Variants in DLG2 observed in about 807,000 individuals in gnomAD.
DLG2 encodes disks large homolog 2.
Under a neutral mutation model 132.5 loss-of-function variants are expected in DLG2, and 45 were observed. The observed-to-expected ratio is 0.34, with a 90% CI of 0.27 to 0.44. The LOEUF (loss-of-function observed/expected upper bound fraction) is 0.44, where lower values mean the gene tolerates loss of function less well. Ranked by LOEUF, DLG2 falls within the 20% of genes least tolerant of loss-of-function variation. DLG2 has a pLI of 1.00. For missense variants in DLG2, 1,045 were observed against 1,196.9 expected, an observed-to-expected ratio of 0.87 and a Z score of 1.87; for synonymous variants, 424 against 419.6, an observed-to-expected ratio of 1.01 and a Z score of -0.13.
chr11:83,935,679 C>T (rs2081286161), intron 14 of DLG2, among the ~76,000 whole-genome samples: 1 of 152,128 alleles, frequency 6.6e-6, no homozygotes, highest in South Asian at 2.1e-4. Context: ...TTGCGCCACG[C>T]TTACTTAACT....
chr11:84,723,507 C>G (rs2062065638), intron 6 of DLG2, among the ~76,000 whole-genome samples: 1 of 152,088 alleles, frequency 6.6e-6, no homozygotes, highest in South Asian at 2.1e-4. Context: ...ATTCTCCTCT[C>G]CAAATAATAA....
intron 6 of DLG2, among the ~76,000 whole-genome samples, chr11:84,756,148 T>C (rs967540504): frequency 2.6e-5 from 4 of 152,248 alleles, no homozygotes; most frequent in Non-Finnish European, 4.4e-5. Context: ...CAATGGAATA[T>C]GTATTTGTAA....
intron 7 of DLG2, 82 bp from the exon 8 acceptor site, chr11:84,251,373 G>C (rs1348264459): frequency 1.3e-5 from 14 of 1,071,378 alleles, no homozygotes; most frequent in Admixed American, 3.1e-5. Context: ...ATTTAACAAA[G>C]AGCTCAACAG....
chr11:85,400,003 A>C (rs954967950), intron 3 of DLG2, among the ~76,000 whole-genome samples: 10 of 152,216 alleles, frequency 6.6e-5, no homozygotes, highest in East Asian at 3.9e-4. Context: ...CAACCTACAA[A>C]ATGGGAGAAA....
chr11:84,786,401 C>T lies in DLG2; in HGVS notation c.358-251670G>A, dbSNP rs116107637. ...ACCATTTGGTTTTATTATAAGAAAA[C>T]GTAGAAATTCTGAAAGCCACAAAAT... On this transcript the variant is annotated intron_variant, in intron 6 of 27. Transcript: ENST00000376104. Among the ~76,000 whole-genome samples, 636 of 152,202 alleles carry T rather than the reference C, an allele frequency of 4.2e-3. 3 individuals are homozygous for T. Among genetic ancestry groups the T allele is most frequent in the African/African-American group, 0.015 (613 of 41,546 alleles).
At chr11:84,799,593 T>C (rs947952265) in intron 6 of DLG2, among the ~76,000 whole-genome samples, 10 of 152,264 alleles carry the variant, frequency 6.6e-5, no homozygotes, top group African/African-American at 1.9e-4. Flanking sequence ...TCTTTTCTGC[T>C]GTCTTTCTCC....
chr11:85,485,333 C>A (rs1160360437), intron 3 of DLG2, among the ~76,000 whole-genome samples: 2 of 151,732 alleles, frequency 1.3e-5, no homozygotes, highest in Non-Finnish European at 1.5e-5. Flanking sequence ...GCACATGTAC[C>A]CTAAAACTTA....
chr11:83,884,265 T>TA (rs1244555878), intron 15 of DLG2, among the ~76,000 whole-genome samples: 5 of 152,168 alleles, frequency 3.3e-5, no homozygotes, highest in Admixed American at 6.5e-5. Flanking sequence ...CCGACGGGCT[T>TA]AAAAAACGGC....
intron 19 of DLG2, among the ~76,000 whole-genome samples, chr11:83,616,453 T>C (rs1017315831): frequency 3.3e-5 from 5 of 152,144 alleles, no homozygotes; most frequent in African/African-American, 1.2e-4. Context: ...TTACATATCC[T>C]CTTTTAAGAA....
chr11:84,754,882 TG>T (rs1217118496), intron 6 of DLG2, among the ~76,000 whole-genome samples: 5 of 152,168 alleles, frequency 3.3e-5, no homozygotes, highest in African/African-American at 1.2e-4. Flanking sequence ...TATGCATGTG[TG>T]GGGGCTGGAG....
intron 3 of DLG2, among the ~76,000 whole-genome samples, chr11:85,332,947 T>C (rs1019017242): frequency 6.6e-6 from 1 of 152,274 alleles, no homozygotes; most frequent in South Asian, 2.1e-4. Flanking sequence ...CTTTTATATT[T>C]AATATGAATT....
chr11:83,649,139 A>G (rs1273620737), intron 18 of DLG2, among the ~76,000 whole-genome samples: 1 of 152,124 alleles, frequency 6.6e-6, no homozygotes, highest in Non-Finnish European at 1.5e-5. Context: ...GGGGAGTTTA[A>G]AGCACTGGCC....
chr11:85,436,636 T>C (rs2091495590), intron 3 of DLG2, among the ~76,000 whole-genome samples: 1 of 152,110 alleles, frequency 6.6e-6, no homozygotes, highest in Non-Finnish European at 1.5e-5. Flanking sequence ...AGAATGGCAA[T>C]TATTTAAAAG....
chr11:84,784,719 T>C (rs1251106434), intron 6 of DLG2, among the ~76,000 whole-genome samples: 2 of 152,076 alleles, frequency 1.3e-5, no homozygotes, highest in Non-Finnish European at 2.9e-5. Context: ...TTTCTTGGTT[T>C]TCCAATTTAA....
intron 6 of DLG2, among the ~76,000 whole-genome samples, chr11:84,622,514 T>C (rs1008896356): frequency 6.6e-6 from 1 of 152,190 alleles, no homozygotes; most frequent in South Asian, 2.1e-4. Context: ...TCCTGCTTAC[T>C]GAATAGTATC....
At position 85,567,074 on chromosome 11, in the gene DLG2, G is replaced by A. The variant is rs150206352; in HGVS notation, c.40+31583C>T. On this transcript the variant is annotated intron_variant, in intron 3 of 27. Transcript: ENST00000376104. ...GTGCCACACTGTCTTGATTACTATA[G>A]CCTTGTAATAACTTTTGAAATTGGG... Among the ~76,000 whole-genome samples, 45 of 152,146 alleles carry A rather than the reference G, an allele frequency of 3.0e-4. No individual in the cohort carries two copies. In the East Asian group the frequency reaches 6.2e-3, roughly 21 times the overall value.
chr11:84,340,390 T>C (rs138330186), intron 7 of DLG2, among the ~76,000 whole-genome samples: 44 of 152,300 alleles, frequency 2.9e-4, no homozygotes, highest in African/African-American at 9.4e-4. Context: ...TCAGTGGTGA[T>C]GCAACATCTT....
intron 11 of DLG2, among the ~76,000 whole-genome samples, chr11:84,031,634 G>T (rs1030684146): frequency 6.6e-6 from 1 of 152,154 alleles, no homozygotes; most frequent in Non-Finnish European, 1.5e-5. Context: ...GAATGGCAAC[G>T]ATCTAAACAT....
chr11:85,075,806 T>C (rs936073126), intron 6 of DLG2, among the ~76,000 whole-genome samples: 2 of 151,896 alleles, frequency 1.3e-5, no homozygotes, highest in African/African-American at 2.4e-5. Context: ...GAAGAACACA[T>C]GCCAACTGAT....
Sources: allele counts gnomAD v4.1 joint callset (sites outside exome capture counted in the v4.1 genomes callset), GRCh38; gene constraint gnomAD v4.1.1; transcripts MANE v1.5; gene names NCBI Gene and HGNC (gene_info 2026-07-23, HGNC 2026-07-21).